Variants in MGAT4C observed in about 807,000 individuals in gnomAD.
MGAT4C encodes MGAT4 family member C.
Under a neutral mutation model 40.1 loss-of-function variants are expected in MGAT4C, and 19 were observed. The ratio of observed to expected loss-of-function variants is 0.47; its 90% CI spans 0.33 to 0.70. The LOEUF (loss-of-function observed/expected upper bound fraction) is 0.70, where lower values mean the gene tolerates loss of function less well. Among genes scored for constraint, MGAT4C ranks in the 30% least tolerant of loss-of-function variants. The probability of loss-of-function intolerance (pLI) is 0.02; values close to 1 mark genes in which losing one functional copy is unlikely to be tolerated. For synonymous variants in MGAT4C, 181 were observed against 187.1 expected (o/e 0.97, Z 0.27); for missense variants, 491 against 563.2 (o/e 0.87, Z 1.30).
In MGAT4C at chr12:85,976,249, A is replaced by G. The variant is rs886850113; in HGVS notation, c.*3040T>C. The G allele has an allele frequency of 4.0e-5, 6 of 151,128 alleles. No individual in the cohort carries two copies. Among genetic ancestry groups the G allele is most frequent in the Non-Finnish European group, 5.9e-5 (4 of 67,246 alleles). The allele number at this position is 151,128 out of a possible 1,614,324, so 9.4% of individuals were successfully genotyped here. A position where few individuals can be genotyped will look rare whatever the true frequency, so the allele number is the denominator to read the frequency against. On this transcript the variant is annotated 3_prime_UTR_variant, in exon 5 of 5. Transcript: ENST00000611864. ...TAAACGACAGGTTGGTTTCCAAATTATATTTTCATACCTGGAAAATATCTA... is the reference window on the plus strand; with the variant it reads ...TAAACGACAGGTTGGTTTCCAAATTGTATTTTCATACCTGGAAAATATCTA...
chr12:86,590,302 C>A (rs569220571), intron 2 of MGAT4C, among the ~76,000 whole-genome samples: 1 of 151,430 alleles, frequency 6.6e-6, no homozygotes, highest in East Asian at 2.0e-4. Context: ...AATTATTAGG[C>A]ATGAGACTTA....
chr12:86,176,993 A>G (rs960950449), intron 1 of MGAT4C, among the ~76,000 whole-genome samples: 2 of 151,758 alleles, frequency 1.3e-5, no homozygotes, highest in African/African-American at 4.8e-5. Context: ...AAAAGTAAAC[A>G]GTGAAGAAGC....
intron 1 of MGAT4C, among the ~76,000 whole-genome samples, chr12:86,780,398 T>C (rs563757854): frequency 6.6e-5 from 10 of 152,152 alleles, no homozygotes; most frequent in Non-Finnish European, 1.3e-4. Flanking sequence ...TGTTGAATTG[T>C]GATCTTCAGT....
At chr12:86,233,416 A>G (rs1395559761) in intron 1 of MGAT4C, among the ~76,000 whole-genome samples, 1 of 152,206 alleles carries the variant, frequency 6.6e-6, no homozygotes, top group Non-Finnish European at 1.5e-5. Flanking sequence ...ATTATTCTTC[A>G]GATCTTTATT....
At chr12:86,833,608 G>C (rs1952974164) in intron 1 of MGAT4C, among the ~76,000 whole-genome samples, 1 of 151,786 alleles carries the variant, frequency 6.6e-6, no homozygotes, top group Non-Finnish European at 1.5e-5. Context: ...TTGGATGAGG[G>C]CCTACTCTAA....
At chr12:86,374,091 T>C (rs901091470) in intron 3 of MGAT4C, among the ~76,000 whole-genome samples, 2 of 152,048 alleles carry the variant, frequency 1.3e-5, no homozygotes, top group African/African-American at 4.8e-5. Flanking sequence ...ATTTAGCCTA[T>C]CTAATGGCTT....
chr12:86,772,648 T>C (rs1253438486), intron 1 of MGAT4C, among the ~76,000 whole-genome samples: 1 of 152,138 alleles, frequency 6.6e-6, no homozygotes, highest in Admixed American at 6.6e-5. Context: ...TCCAGAGGAC[T>C]TAAGATTTGG....
At chr12:86,351,499 A>G (rs896051970) in intron 3 of MGAT4C, among the ~76,000 whole-genome samples, 7 of 152,054 alleles carry the variant, frequency 4.6e-5, no homozygotes, top group Admixed American at 2.0e-4. Flanking sequence ...AATTAATTAA[A>G]TCACACATAA....
At chr12:86,477,053 C>G (rs1288563408) in intron 2 of MGAT4C, among the ~76,000 whole-genome samples, 1 of 151,486 alleles carries the variant, frequency 6.6e-6, no homozygotes, top group African/African-American at 2.4e-5. Context: ...TGCAGCAACC[C>G]TGAAAATTTA....
At chr12:86,057,619 T>G (rs1893536152) in intron 1 of MGAT4C, among the ~76,000 whole-genome samples, 1 of 152,116 alleles carries the variant, frequency 6.6e-6, no homozygotes, top group Non-Finnish European at 1.5e-5. Context: ...AATATTGGTC[T>G]CTCTCTCTTC....
intron 1 of MGAT4C, among the ~76,000 whole-genome samples, chr12:86,194,749 C>A (rs1029230818): frequency 4.6e-5 from 7 of 152,110 alleles, no homozygotes; most frequent in African/African-American, 1.7e-4. Flanking sequence ...CAGGCATGAA[C>A]CACTGCGCCC....
intron 2 of MGAT4C, among the ~76,000 whole-genome samples, chr12:86,530,198 A>T (rs1958957226): frequency 6.6e-6 from 1 of 151,922 alleles, no homozygotes. Context: ...TGTTCCTTAT[A>T]ACTAGAGTCC....
chr12:86,130,294 C>T (rs1346457584), intron 1 of MGAT4C, among the ~76,000 whole-genome samples: 1 of 151,528 alleles, frequency 6.6e-6, no homozygotes, highest in East Asian at 1.9e-4. Context: ...AATGAAAATA[C>T]CCCACATAAA....
chr12:86,593,570 T>C (rs1247445215), intron 2 of MGAT4C, among the ~76,000 whole-genome samples: 1 of 152,206 alleles, frequency 6.6e-6, no homozygotes, highest in East Asian at 1.9e-4. Context: ...ATGATGTGAC[T>C]TCATTTTTAT....
chr12:86,540,788 T>C (rs1814213052), intron 2 of MGAT4C, among the ~76,000 whole-genome samples: 1 of 151,410 alleles, frequency 6.6e-6, no homozygotes, highest in African/African-American at 2.5e-5. Flanking sequence ...ACCACTCAGT[T>C]TGAATTTGGG....
In MGAT4C at chr12:86,167,001, T is replaced by A. The variant is rs839117; in HGVS notation, c.-57+89238A>T. ...CTTTGAATTAAAATTATATACCTTA[T>A]ATTTTGGTAAATTATCTCATATACT... On this transcript the variant is annotated intron_variant, in intron 1 of 4. Coordinates refer to ENST00000611864, the MANE Select transcript of MGAT4C (RefSeq NM_001351288.2). Among the ~76,000 whole-genome samples the A allele has an allele frequency of 2.0e-4, 31 of 152,206 alleles. No individual in the cohort carries two copies. The South Asian group carries it at 6.2e-3, about 30-fold the overall frequency.
chr12:86,150,452 A>T (rs1287005193), intron 1 of MGAT4C, among the ~76,000 whole-genome samples: 2 of 152,164 alleles, frequency 1.3e-5, no homozygotes, highest in African/African-American at 4.8e-5. Context: ...TCCCTTTAGT[A>T]CTCTTATGCC....
In MGAT4C at chr12:85,968,991, C is replaced by T. The variant is rs1423339592; in HGVS notation, c.*10298G>A. ...AATAATAGTCATTTCTGTTTTAATA[C>T]TTCATAGACTTGTAAGGATGTAATG... On this transcript the variant is annotated 3_prime_UTR_variant, in exon 5 of 5. Coordinates refer to ENST00000611864, the MANE Select transcript of MGAT4C (RefSeq NM_001351288.2). 2.0e-5 allele frequency: 3 copies of T among 151,752 alleles called. No homozygotes were observed. Among genetic ancestry groups the T allele is most frequent in the Non-Finnish European group, 4.4e-5 (3 of 67,804 alleles). 9.4% of individuals were successfully genotyped at this position (151,752 alleles called of 1,614,324 possible).
At chr12:86,116,254 T>C (rs539859602) in intron 1 of MGAT4C, among the ~76,000 whole-genome samples, 1 of 152,028 alleles carries the variant, frequency 6.6e-6, no homozygotes, top group Admixed American at 6.6e-5. Flanking sequence ...TCGGGCATAA[T>C]CTGACTTATG....
Sources: gnomAD v4.1 joint callset for allele counts (sites outside exome capture counted in the v4.1 genomes callset) on GRCh38, gnomAD v4.1.1 for gene constraint, MANE v1.5 for transcripts, NCBI Gene and HGNC (gene_info 2026-07-23, HGNC 2026-07-21) for gene names.